CTNND2: variants seen among roughly 807,000 people sequenced by gnomAD.
The protein encoded by CTNND2 is catenin delta-2.
In CTNND2, 22 loss-of-function variants were observed where a neutral mutation model predicts 144.4. The ratio of observed to expected loss-of-function variants is 0.15; its 90% CI spans 0.11 to 0.22. The LOEUF (loss-of-function observed/expected upper bound fraction) is 0.22. Ranked by LOEUF, CTNND2 falls within the 10% of genes least tolerant of loss-of-function variation. The pLI, the probability that CTNND2 is intolerant of heterozygous loss-of-function variation, is 1.00. For synonymous variants in CTNND2, 751 were observed against 695.6 expected (o/e 1.08, Z -1.25); for missense variants, 1,353 against 1,618.8 (o/e 0.84, Z 2.82).
intron 13 of CTNND2, among the ~76,000 whole-genome samples, chr5:11,112,592 G>A (rs541283234): frequency 3.7e-4 from 56 of 151,896 alleles, no homozygotes; most frequent in Non-Finnish European, 4.4e-4. Context: ...CATTGGTTAT[G>A]ACAGCAACAG....
At chr5:11,435,964 A>G (rs1201586689) in intron 3 of CTNND2, among the ~76,000 whole-genome samples, 2 of 152,224 alleles carry the variant, frequency 1.3e-5, no homozygotes, top group Non-Finnish European at 2.9e-5. Context: ...AATGGCGAAG[A>G]TAAAATAACA....
intron 1 of CTNND2, among the ~76,000 whole-genome samples, chr5:11,900,022 T>G (rs1049152817): frequency 6.6e-6 from 1 of 152,240 alleles, no homozygotes; most frequent in Admixed American, 6.5e-5. Flanking sequence ...TTTGTGTGTG[T>G]GTGTATGTGT....
At chr5:11,552,009 A>T (rs1436801684) in intron 3 of CTNND2, among the ~76,000 whole-genome samples, 1 of 152,028 alleles carries the variant, frequency 6.6e-6, no homozygotes, top group Non-Finnish European at 1.5e-5. Flanking sequence ...GCCTCAAGTG[A>T]TCCCCTGCCC....
chr5:11,188,594 G>A (rs1441272782), intron 11 of CTNND2, among the ~76,000 whole-genome samples: 4 of 152,082 alleles, frequency 2.6e-5, no homozygotes, highest in East Asian at 1.9e-4. Flanking sequence ...TCCTGTACAC[G>A]TACCCTGGAA....
chr5:11,377,976 A>T (rs540561831), intron 7 of CTNND2, among the ~76,000 whole-genome samples: 1 of 152,318 alleles, frequency 6.6e-6, no homozygotes, highest in East Asian at 1.9e-4. Context: ...GCATGTATAA[A>T]GGATGGAAGG....
At chr5:11,639,845 AATGAAT>A (rs1781901834) in intron 2 of CTNND2, among the ~76,000 whole-genome samples, 1 of 152,200 alleles carries the variant, frequency 6.6e-6, no homozygotes. Context: ...CAGAGCCTTG[AATGAAT>A]TATTACCTAT....
intron 18 of CTNND2, among the ~76,000 whole-genome samples, chr5:11,016,064 A>AT (rs1205234309): frequency 1.3e-5 from 2 of 152,210 alleles, no homozygotes; most frequent in Non-Finnish European, 2.9e-5. Context: ...TAATATGCAG[A>AT]TTTTTTTCAA....
At chr5:11,281,273 A>G (rs1349508222) in intron 9 of CTNND2, among the ~76,000 whole-genome samples, 1 of 152,154 alleles carries the variant, frequency 6.6e-6, no homozygotes, top group African/African-American at 2.4e-5. Flanking sequence ...TACATTATTG[A>G]CTAAAATGGC....
At chr5:11,424,310 T>C (rs1443996787) in intron 3 of CTNND2, among the ~76,000 whole-genome samples, 1 of 152,122 alleles carries the variant, frequency 6.6e-6, no homozygotes, top group Non-Finnish European at 1.5e-5. Flanking sequence ...GATCAGTAGT[T>C]GTCAGGATTT....
chr5:11,218,333 G>C (rs757387268), intron 10 of CTNND2, among the ~76,000 whole-genome samples: 1 of 152,110 alleles, frequency 6.6e-6, no homozygotes, highest in African/African-American at 2.4e-5. Flanking sequence ...TGTCATCGGA[G>C]TCATGCTGGT....
At chr5:11,299,239 C>T (rs1406552777) in intron 9 of CTNND2, among the ~76,000 whole-genome samples, 3 of 152,076 alleles carry the variant, frequency 2.0e-5, no homozygotes, top group South Asian at 2.1e-4. Flanking sequence ...CTAAATTTAC[C>T]ACTTCGATGT....
At chr5:11,457,894 CT>C (rs539030255) in intron 3 of CTNND2, among the ~76,000 whole-genome samples, 2 of 152,186 alleles carry the variant, frequency 1.3e-5, no homozygotes, top group Non-Finnish European at 2.9e-5. Flanking sequence ...CCTTTAGAAA[CT>C]CAACAACCGT....
chr5:11,007,705 T>C (rs1444520083), intron 18 of CTNND2, among the ~76,000 whole-genome samples: 2 of 152,220 alleles, frequency 1.3e-5, no homozygotes, highest in African/African-American at 2.4e-5. Flanking sequence ...GTAATTACTG[T>C]GGAAGTATTT....
chr5:11,577,522 A>G (rs1174642442), intron 2 of CTNND2, among the ~76,000 whole-genome samples: 1 of 152,212 alleles, frequency 6.6e-6, no homozygotes, highest in Non-Finnish European at 1.5e-5. Context: ...ACAATGGGAG[A>G]TTATTATTTG....
chr5:11,879,343 A>ATATATATATATATATATATATATATATG (rs1735827808), intron 1 of CTNND2, among the ~76,000 whole-genome samples: 1 of 99,172 alleles, frequency 1.0e-5, no homozygotes, highest in Non-Finnish European at 2.4e-5. Context: ...AAATGTGTGT[A>ATATATATATATATATATATATATATATG]TATATATATA....
chr5:11,178,755 C>T (rs1760720179), intron 11 of CTNND2, among the ~76,000 whole-genome samples: 1 of 152,098 alleles, frequency 6.6e-6, no homozygotes, highest in African/African-American at 2.4e-5. Context: ...AGACTCAGGG[C>T]ACTCACAACA....
intron 9 of CTNND2, among the ~76,000 whole-genome samples, chr5:11,327,276 C>A (rs952487955): frequency 6.6e-6 from 1 of 152,088 alleles, no homozygotes; most frequent in Admixed American, 6.5e-5. Flanking sequence ...GATGAACAGT[C>A]CAGATCCCCA....
intron 2 of CTNND2, among the ~76,000 whole-genome samples, chr5:11,703,605 C>G (rs1785554040): frequency 6.6e-6 from 1 of 152,164 alleles, no homozygotes; most frequent in Admixed American, 6.6e-5. Context: ...GTTCCAGGTA[C>G]TTCTTTAGTT....
chr5:11,742,141 C>T (rs1415504863), intron 1 of CTNND2, among the ~76,000 whole-genome samples: 3 of 151,964 alleles, frequency 2.0e-5, no homozygotes, highest in Admixed American at 6.6e-5. Context: ...TTTCAGAAAT[C>T]ACCACTAAAG....
Sources: allele counts gnomAD v4.1 joint callset (sites outside exome capture counted in the v4.1 genomes callset), GRCh38; gene constraint gnomAD v4.1.1; transcripts MANE v1.5; gene names NCBI Gene and HGNC (gene_info 2026-07-23, HGNC 2026-07-21).